KIF1A: variants seen among roughly 807,000 people sequenced by gnomAD.
KIF1A encodes kinesin family member 1A.
KIF1A carries 46 observed loss-of-function variants against 227.3 expected under a neutral mutation model. That is an observed-to-expected ratio of 0.20 (90% CI 0.16 to 0.26). KIF1A has a LOEUF of 0.26. Ranked by LOEUF, KIF1A falls within the 10% of genes least tolerant of loss-of-function variation. KIF1A has a pLI of 1.00. For missense variants in KIF1A, 1,683 were observed against 2,485.9 expected, an observed-to-expected ratio of 0.68 and a Z score of 6.87; for synonymous variants, 1,022 against 1,012.8, an observed-to-expected ratio of 1.01 and a Z score of -0.17.
intron 47 of KIF1A, among the ~76,000 whole-genome samples, chr2:240,718,496 G>A (rs2044839762): frequency 6.6e-6 from 1 of 152,216 alleles, no homozygotes; most frequent in Non-Finnish European, 1.5e-5. Flanking sequence ...CCACCACAGG[G>A]AATCAAAAAA....
chr2:240,786,359 A>C lies in KIF1A; in HGVS notation c.584T>G (p.Leu195Arg). The change falls in exon 6 of 49, where the codon CTC becomes CGC. Residue 195 changes from leucine (L) to arginine (R), a missense_variant. Physicochemically the swap from Leu to Arg is moderately radical, Grantham distance 102. Transcript: ENST00000498729. Reference sequence around the variant, plus strand: ...CCTGGCCTTGTTCCCTGAGTCCATGAGGTCCTGGATGTCATTGTAGGAGGT... The same window carrying C: ...CCTGGCCTTGTTCCCTGAGTCCATGCGGTCCTGGATGTCATTGTAGGAGGT... ...AVTSYNDIQD[L>R]MDSGNKARTV... 6.2e-7 allele frequency: 1 copy of C among 1,613,608 alleles called. No homozygotes were observed. Among genetic ancestry groups the C allele is most frequent in the Non-Finnish European group, 8.5e-7 (1 of 1,179,802 alleles).
chr2:240,801,796 C>T (rs551669999), intron 1 of KIF1A, among the ~76,000 whole-genome samples: 9 of 152,286 alleles, frequency 5.9e-5, no homozygotes, highest in African/African-American at 2.2e-4. Context: ...AGATCCTCAG[C>T]CAATGTGCCT....
At chr2:240,801,872 T>C (rs1170151072) in intron 1 of KIF1A, among the ~76,000 whole-genome samples, 1 of 152,190 alleles carries the variant, frequency 6.6e-6, no homozygotes, top group African/African-American at 2.4e-5. Context: ...AGCCACCCTG[T>C]TTGTGATATT....
intron 28 of KIF1A, among the ~76,000 whole-genome samples, chr2:240,747,906 A>G (rs908321900): frequency 6.6e-6 from 1 of 152,354 alleles, no homozygotes; most frequent in East Asian, 1.9e-4. Flanking sequence ...GCGCCTGCTC[A>G]TGCAGGAGTC....
At chr2:240,750,729 A>T (rs535803908) in intron 27 of KIF1A, among the ~76,000 whole-genome samples, 182 bp from the exon 28 acceptor site, 4 of 152,128 alleles carry the variant, frequency 2.6e-5, no homozygotes, top group Non-Finnish European at 5.9e-5. Context: ...GCAGGCACTC[A>T]CAGGAGACAG....
intron 32 of KIF1A, 35 bp from the exon 33 acceptor site, chr2:240,744,095 C>T (rs374826513): frequency 3.4e-5 from 47 of 1,377,854 alleles, no homozygotes; most frequent in African/African-American, 2.3e-4. Flanking sequence ...CAGGAGGGCA[C>T]GGCCAGGTCA....
intron 40 of KIF1A, chr2:240,724,905 T>C (rs1484269611): frequency 3.4e-5 from 7 of 206,000 alleles, no homozygotes; most frequent in Non-Finnish European, 3.5e-5. Flanking sequence ...ACAGGTTCCG[T>C]GGTCCTCAGG....
chr2:240,780,872 A>G (rs1476034210), intron 10 of KIF1A, among the ~76,000 whole-genome samples: 67 of 119,204 alleles, frequency 5.6e-4, no homozygotes, highest in South Asian at 9.4e-4. Flanking sequence ...ACAGCTCCAC[A>G]CACACACAGC....
intron 20 of KIF1A, among the ~76,000 whole-genome samples, chr2:240,764,223 C>T (rs2050871276): frequency 1.3e-5 from 2 of 152,208 alleles, no homozygotes; most frequent in South Asian, 4.1e-4. Flanking sequence ...CTGGCCACTT[C>T]CTCTGTCCTC....
At chr2:240,774,330 T>TC in intron 11 of KIF1A, 69 bp from the exon 12 acceptor site, 4 of 1,009,524 alleles carry the variant, frequency 4.0e-6, no homozygotes, top group Non-Finnish European at 6.1e-6. Context: ...GCTCCCCCCT[T>TC]CCCCCCACAT....
At position 240,792,374 on chromosome 2, in the gene KIF1A, G is replaced by A. The variant is rs1462805212; in HGVS notation, c.107-3062C>T. On this transcript the variant is annotated intron_variant, in intron 2 of 48. Transcript: ENST00000498729. The surrounding 1 kb of genome is among the most constrained non-coding windows in gnomAD (Gnocchi z 4.5). ...TGGGCTCCTCAGCCAGCCCCTTTAG[G>A]GCCCCCATCCCCTCCCACCCCAGGC... is the stretch of plus-strand genomic sequence containing the variant. Among the ~76,000 whole-genome samples, 1 of 152,002 alleles carries A rather than the reference G, an allele frequency of 6.6e-6. No individual in the cohort carries two copies. Among genetic ancestry groups the A allele is most frequent in the Non-Finnish European group, 1.5e-5 (1 of 67,950 alleles).
rs148154555 is a variant in KIF1A at position 240,789,353 on chromosome 2, G to A, written c.107-41C>T. The stretch of plus-strand genomic sequence containing the variant: ...CAGGTGGTTAGCGCTGTGCTGGGAG[G>A]GCCCCTGACTAGCTGGCATCTACAC... On this transcript the variant is annotated intron_variant, in intron 2 of 48. Transcript: ENST00000498729. The surrounding 1 kb of genome is among the most constrained non-coding windows in gnomAD (Gnocchi z 4.8). 1.3e-6 allele frequency: 2 copies of A among 1,524,188 alleles called. No individual in the cohort carries two copies. The allele number at this position is 1,524,188 out of a possible 1,614,324, so 94.4% of individuals were successfully genotyped here.
chr2:240,737,043 C>T lies in KIF1A; in HGVS notation c.4007+20G>A, dbSNP rs1435924287. On this transcript the variant is annotated intron_variant, in intron 38 of 48. Coordinates refer to ENST00000498729, the MANE Select transcript of KIF1A (RefSeq NM_001244008.2). ...TGGGAACATGCCCTGGGCCCTGTCT[C>T]CAGGGAGTCTCCGACTCACCGGTCA... The T allele has an allele frequency of 5.0e-6, 8 of 1,591,138 alleles. No individual in the cohort carries two copies. The highest frequency in any genetic ancestry group is 1.7e-4 in the Middle Eastern group (1 of 6,004).
intron 10 of KIF1A, among the ~76,000 whole-genome samples, chr2:240,779,111 C>T (rs1354904850): frequency 4.7e-5 from 7 of 148,660 alleles, no homozygotes; most frequent in African/African-American, 1.8e-4. Context: ...CTTCCTCACT[C>T]AGTTCCTCAT....
Position 240,762,709 on chromosome 2 carries a change from G to T in KIF1A, c.2116+10C>A. On this transcript the variant is annotated intron_variant, in intron 23 of 48. Transcript: ENST00000498729. ...CTGACGCAGCAGGTGCTGGCCCAGTGACCCCTCACCTTCATCCTCGGGCTC... is the reference window on the plus strand; with the variant it reads ...CTGACGCAGCAGGTGCTGGCCCAGTTACCCCTCACCTTCATCCTCGGGCTC... 1 of 1,575,830 alleles carries T rather than the reference G, an allele frequency of 6.3e-7. No individual in the cohort carries two copies. Among genetic ancestry groups the T allele is most frequent in the South Asian group, 1.2e-5 (1 of 86,924 alleles).
chr2:240,743,807 AG>A, intron 33 of KIF1A, 134 bp downstream of exon 33: 2 of 606,370 alleles, frequency 3.3e-6, no homozygotes, highest in Non-Finnish European at 5.8e-6. Context: ...CCTGGGCAAA[AG>A]GCCTCCTGGA....
At chr2:240,820,639 C>G (rs1448442671), upstream of KIF1A, among the ~76,000 whole-genome samples, 2 of 151,594 alleles carry the variant, frequency 1.3e-5, no homozygotes, top group Admixed American at 1.3e-4. The surrounding 1 kb of genome is among the most constrained non-coding windows in gnomAD (Gnocchi z 6.2). Context: ...CACCTGCCCC[C>G]GCTCTGAGCC....
chr2:240,754,422 C>T (rs1240380937), intron 27 of KIF1A, among the ~76,000 whole-genome samples: 1 of 152,218 alleles, frequency 6.6e-6, no homozygotes, highest in Non-Finnish European at 1.5e-5. Flanking sequence ...CCAGAAGGGA[C>T]CTCTAGGGCC....
At chr2:240,773,320 G>A in intron 12 of KIF1A, 64 bp from the exon 13 acceptor site, 1 of 1,599,250 alleles carries the variant, frequency 6.3e-7, no homozygotes, top group Admixed American at 1.7e-5. Flanking sequence ...GGTCCCAAGG[G>A]TGCCTAGAGC....
Sources: gnomAD v4.1 joint callset for allele counts (sites outside exome capture counted in the v4.1 genomes callset) on GRCh38, gnomAD v4.1.1 for gene constraint, Gnocchi (gnomAD v3.1) non-coding constraint, MANE v1.5 for transcripts, NCBI Gene and HGNC (gene_info 2026-07-23, HGNC 2026-07-21) for gene names.